COL22A1: variants seen among roughly 807,000 people sequenced by gnomAD.
COL22A1 encodes the protein collagen type XXII alpha 1 chain, also known as collagen alpha-1(XXII) chain.
A neutral mutation model predicts 248.9 loss-of-function variants in COL22A1; 221 were observed. That is an observed-to-expected ratio of 0.89 (90% CI 0.80 to 0.99). The LOEUF is 0.99. Ranked by LOEUF, COL22A1 falls within the 50% of genes least tolerant of loss-of-function variation. The pLI is 0.00. For missense variants in COL22A1, 2,240 were observed against 2,179.0 expected (o/e 1.03, Z -0.56); for synonymous variants, 891 against 793.4 (o/e 1.12, Z -2.07).
At chr8:138,713,782 T>C (rs767410550) in intron 30 of COL22A1, among the ~76,000 whole-genome samples, 48 of 151,812 alleles carry the variant, frequency 3.2e-4, no homozygotes, top group Non-Finnish European at 5.9e-4. Flanking sequence ...AAAAATTCCA[T>C]TATGTTTTCT....
chr8:138,698,009 G>C lies in COL22A1; in HGVS notation c.2592+2103C>G, dbSNP rs375210115. ...GATGTCAGTGCTGGGACTCAAGGTG[G>C]AGGGCGGCACAGGCCCCTCACGTGC... On this transcript the variant is annotated intron_variant, in intron 32 of 64. Transcript: ENST00000303045. Among the ~76,000 whole-genome samples, 21 of 152,358 alleles carry C rather than the reference G, an allele frequency of 1.4e-4. No homozygotes were observed. The East Asian group carries it at 2.7e-3, about 20-fold the overall frequency.
At chr8:138,653,491 G>C (rs6985495) in intron 45 of COL22A1, among the ~76,000 whole-genome samples, 128,704 of 152,168 alleles carry the variant, frequency 0.85, 55,135 homozygotes, top group East Asian at 0.93. Context: ...TGCTTAACCT[G>C]TTCATCTGTA....
intron 60 of COL22A1, among the ~76,000 whole-genome samples, chr8:138,600,706 A>G (rs182641794): frequency 1.2e-4 from 19 of 152,342 alleles, no homozygotes; most frequent in African/African-American, 4.1e-4. Context: ...TAATATTTCA[A>G]CAATAACCCA....
At chr8:138,592,099 A>G (rs1253528809) in intron 63 of COL22A1, among the ~76,000 whole-genome samples, 1 of 152,242 alleles carries the variant, frequency 6.6e-6, no homozygotes, top group East Asian at 1.9e-4. Flanking sequence ...CTTGAAATTC[A>G]ATAAGAGAAA....
intron 9 of COL22A1, among the ~76,000 whole-genome samples, chr8:138,809,792 T>A (rs1818054939): frequency 6.6e-6 from 1 of 152,122 alleles, no homozygotes; most frequent in African/African-American, 2.4e-5. Flanking sequence ...TGAGAGGGTG[T>A]ATTTCTTTAT....
chr8:138,776,048 A>T (rs764921495), intron 15 of COL22A1, 38 bp from the exon 16 acceptor site: 1 of 1,609,362 alleles, frequency 6.2e-7, no homozygotes, highest in South Asian at 1.1e-5. Context: ...CAACATCTTA[A>T]TCTGGCTTCT....
intron 3 of COL22A1, among the ~76,000 whole-genome samples, chr8:138,871,966 TA>T (rs1330820305): frequency 6.6e-6 from 1 of 152,114 alleles, no homozygotes; most frequent in Non-Finnish European, 1.5e-5. Context: ...CCTACCAGAC[TA>T]ATCTCCCTGA....
intron 39 of COL22A1, among the ~76,000 whole-genome samples, chr8:138,681,312 G>A (rs1224582415): frequency 2.0e-5 from 3 of 152,110 alleles, no homozygotes; most frequent in Non-Finnish European, 4.4e-5. Context: ...CTGTGAGTTA[G>A]GTAGTAATAC....
In COL22A1 at chr8:138,619,631, T is replaced by C; in HGVS notation, c.3772-123A>G. On this transcript the variant is annotated intron_variant, in intron 52 of 64. Coordinates refer to ENST00000303045, the MANE Select transcript of COL22A1 (RefSeq NM_152888.3). ...CAGTTTCTATCCACCCTGTCAGCCCTTTCCCCTGGTGTCTTGGTCCTTCTT... is the reference window on the plus strand; with the variant it reads ...CAGTTTCTATCCACCCTGTCAGCCCCTTCCCCTGGTGTCTTGGTCCTTCTT... 3 of 847,600 alleles carry C rather than the reference T, an allele frequency of 3.5e-6. No homozygotes were observed. In the South Asian group the frequency reaches 4.4e-5, roughly 13 times the overall value. 52.5% of individuals were successfully genotyped at this position (847,600 alleles called of 1,614,324 possible).
intron 5 of COL22A1, among the ~76,000 whole-genome samples, chr8:138,831,861 G>C (rs1820071185): frequency 6.6e-6 from 1 of 152,232 alleles, no homozygotes; most frequent in Non-Finnish European, 1.5e-5. Flanking sequence ...GTGTGAACCA[G>C]AGCAACTCCA....
chr8:138,756,527 A>T (rs1833019601), intron 18 of COL22A1, among the ~76,000 whole-genome samples: 1 of 152,184 alleles, frequency 6.6e-6, no homozygotes. Context: ...TAAAGCAAGG[A>T]AAATACATAT....
intron 16 of COL22A1, among the ~76,000 whole-genome samples, chr8:138,768,521 C>A (rs963139990): frequency 5.3e-5 from 8 of 152,240 alleles, no homozygotes; most frequent in African/African-American, 1.9e-4. Context: ...CTAGCAATCA[C>A]AACGGACTCG....
At chr8:138,670,288 T>C (rs893443100) in intron 41 of COL22A1, among the ~76,000 whole-genome samples, 2 of 152,276 alleles carry the variant, frequency 1.3e-5, no homozygotes, top group South Asian at 4.1e-4. Flanking sequence ...AGGTGGTGTG[T>C]GGCTTTACAC....
At chr8:138,722,976 G>A (rs1168196129) in intron 25 of COL22A1, among the ~76,000 whole-genome samples, 6 of 151,332 alleles carry the variant, frequency 4.0e-5, no homozygotes, top group Non-Finnish European at 8.8e-5. Context: ...GTGATGGGTT[G>A]ATCTATGCAG....
intron 12 of COL22A1, among the ~76,000 whole-genome samples, chr8:138,782,816 G>A (rs779969382): frequency 5.6e-5 from 8 of 142,332 alleles, no homozygotes; most frequent in Non-Finnish European, 8.8e-5. Context: ...CCAGGCCCAC[G>A]ATGACAGACG....
chr8:138,764,398 A>G (rs1360231815), intron 16 of COL22A1, among the ~76,000 whole-genome samples: 1 of 152,192 alleles, frequency 6.6e-6, no homozygotes, highest in Non-Finnish European at 1.5e-5. Flanking sequence ...TGGGCAGGGA[A>G]TGGGGCAGGG....
At chr8:138,772,554 T>G (rs922802947) in intron 16 of COL22A1, among the ~76,000 whole-genome samples, 1 of 152,214 alleles carries the variant, frequency 6.6e-6, no homozygotes, top group Admixed American at 6.5e-5. Flanking sequence ...GGTGGGCACG[T>G]GACTGAGGCA....
chr8:138,846,681 T>C, intron 3 of COL22A1, among the ~76,000 whole-genome samples: 1 of 152,196 alleles, frequency 6.6e-6, no homozygotes, highest in Non-Finnish European at 1.5e-5. Context: ...CCATGGCTCC[T>C]CTTAGCCTAT....
chr8:138,742,292 G>A (rs1351309203), intron 22 of COL22A1, among the ~76,000 whole-genome samples: 3 of 150,584 alleles, frequency 2.0e-5, no homozygotes, highest in African/African-American at 7.4e-5. Context: ...GATGGTGATG[G>A]TGGTAGTGAT....
Sources: gnomAD v4.1 joint callset for allele counts (sites outside exome capture counted in the v4.1 genomes callset) on GRCh38, gnomAD v4.1.1 for gene constraint, MANE v1.5 for transcripts, NCBI Gene and HGNC (gene_info 2026-07-23, HGNC 2026-07-21) for gene names.